ATAD1: variants seen among roughly 807,000 people sequenced by gnomAD.
ATAD1 encodes the protein ATPase family AAA domain containing 1.
ATAD1 carries 18 observed loss-of-function variants against 42.7 expected under a neutral mutation model. The observed-to-expected ratio is 0.42, with a 90% confidence interval of 0.29 to 0.63. The LOEUF is 0.63. Ranked by LOEUF, ATAD1 falls within the 20% of genes least tolerant of loss-of-function variation. The pLI is 0.19. For missense variants in ATAD1, 294 were observed against 440.4 expected (o/e 0.67, Z 2.98); for synonymous variants, 132 against 143.1 (o/e 0.92, Z 0.55).
chr10:87,802,604 C>A (rs1210797053), intron 2 of ATAD1, among the ~76,000 whole-genome samples: 6 of 151,284 alleles, frequency 4.0e-5, no homozygotes, highest in African/African-American at 1.5e-4. Context: ...GATCCCGCCA[C>A]CGCACTCCAG....
chr10:87,816,734 T>G (rs1857432314), intron 1 of ATAD1, among the ~76,000 whole-genome samples: 1 of 152,234 alleles, frequency 6.6e-6, no homozygotes, highest in African/African-American at 2.4e-5. Flanking sequence ...TTTTCTAGTC[T>G]TTATTCCACA....
intron 2 of ATAD1, among the ~76,000 whole-genome samples, chr10:87,806,462 C>T (rs1049808880): frequency 1.3e-5 from 2 of 152,054 alleles, no homozygotes; most frequent in African/African-American, 4.8e-5. Flanking sequence ...CAGATCTTCT[C>T]GTCTCCCAGA....
intron 2 of ATAD1, among the ~76,000 whole-genome samples, chr10:87,809,623 A>AT (rs1024651639): frequency 2.0e-5 from 3 of 150,548 alleles, no homozygotes; most frequent in African/African-American, 7.3e-5. Context: ...AACAGTCCTA[A>AT]TTTTTTTTAT....
chr10:87,826,653 T>C (rs1013565333), intron 1 of ATAD1, among the ~76,000 whole-genome samples: 1 of 152,230 alleles, frequency 6.6e-6, no homozygotes, highest in Non-Finnish European at 1.5e-5. Context: ...CACTTAATCC[T>C]ACTTATGTTA....
At chr10:87,796,083 C>A (rs949805453) in intron 2 of ATAD1, among the ~76,000 whole-genome samples, 1 of 152,116 alleles carries the variant, frequency 6.6e-6, no homozygotes, top group Non-Finnish European at 1.5e-5. Context: ...TAGATATAAT[C>A]ATTTATTACA....
rs557433594 is a variant in ATAD1 at position 87,831,755 on chromosome 10, A to G, written c.-14+9432T>C. 4.6e-5 allele frequency among the ~76,000 whole-genome samples: 7 copies of G among 152,328 alleles called. No individual in the cohort carries two copies. The East Asian group carries it at 1.3e-3, about 29-fold the overall frequency. ...AGTTATAATGTCGTATGGCATACCC[A>G]TAAGTTACTGTGACTGACAAGTGGT... is the stretch of plus-strand genomic sequence containing the variant. On this transcript the variant is annotated intron_variant, in intron 1 of 4. Transcript: ENST00000495903.
chr10:87,827,739 C>T (rs577915481), intron 1 of ATAD1, among the ~76,000 whole-genome samples: 1 of 152,194 alleles, frequency 6.6e-6, no homozygotes, highest in East Asian at 1.9e-4. Context: ...TGAGACACAA[C>T]AATATTGAAA....
intron 8 of ATAD1, among the ~76,000 whole-genome samples, chr10:87,766,668 G>A (rs112192857): frequency 0.1 from 15,782 of 151,856 alleles, 1,042 homozygotes; most frequent in Non-Finnish European, 0.15. Flanking sequence ...AAAATTAGCC[G>A]AGTGTGGTGG....
At chr10:87,791,026 A>G (rs913040313) in intron 3 of ATAD1, among the ~76,000 whole-genome samples, 2 of 132,436 alleles carry the variant, frequency 1.5e-5, no homozygotes, top group Non-Finnish European at 3.1e-5. Flanking sequence ...CTCTACTAAA[A>G]TTACAAAAAA....
intron 2 of ATAD1, among the ~76,000 whole-genome samples, chr10:87,807,462 C>T (rs918512070): frequency 2.0e-5 from 3 of 152,172 alleles, no homozygotes; most frequent in African/African-American, 7.2e-5. Context: ...ACGTTATTGA[C>T]AGACTTAAAA....
chr10:87,762,799 G>A (rs185985946), intron 8 of ATAD1, among the ~76,000 whole-genome samples: 73 of 151,026 alleles, frequency 4.8e-4, no homozygotes, highest in Admixed American at 7.9e-4. Flanking sequence ...AACCGGGCAC[G>A]GTGGCTCATG....
chr10:87,761,575 T>C (rs541968931), intron 8 of ATAD1, among the ~76,000 whole-genome samples: 1 of 151,826 alleles, frequency 6.6e-6, no homozygotes, highest in Admixed American at 6.6e-5. Context: ...GGCGGGGGGA[T>C]CACTTGAGCC....
At chr10:87,762,548 T>C (rs1302186486) in intron 8 of ATAD1, among the ~76,000 whole-genome samples, 6 of 151,494 alleles carry the variant, frequency 4.0e-5, no homozygotes, top group Non-Finnish European at 8.8e-5. Context: ...CACTGCAACC[T>C]CTGCCTCCGG....
intron 2 of ATAD1, among the ~76,000 whole-genome samples, chr10:87,802,250 C>T (rs1000368992): frequency 3.3e-5 from 5 of 152,150 alleles, no homozygotes; most frequent in African/African-American, 1.2e-4. Flanking sequence ...ACTTGACTTA[C>T]AGAGCCAATG....
chr10:87,819,291 A>AAAAAAAAAAC (rs1857577718), upstream of ATAD1: 1 of 141,938 alleles, frequency 7.0e-6, no homozygotes, highest in African/African-American at 2.6e-5. Flanking sequence ...AAAAAAAAAA[A>AAAAAAAAAAC]CCACCTAAAA....
intron 1 of ATAD1, among the ~76,000 whole-genome samples, chr10:87,815,337 A>G (rs886977482): frequency 6.6e-6 from 1 of 152,086 alleles, no homozygotes; most frequent in Non-Finnish European, 1.5e-5. Flanking sequence ...AGCTACATCA[A>G]TCAAAGCTAG....
chr10:87,798,469 G>C (rs1279600332), intron 2 of ATAD1, among the ~76,000 whole-genome samples: 2 of 151,966 alleles, frequency 1.3e-5, no homozygotes, highest in Non-Finnish European at 2.9e-5. Flanking sequence ...TTCTCTTTCT[G>C]TGTCTTTCAT....
rs557891101 is a variant in ATAD1 at position 87,763,077 on chromosome 10, T to C, written c.831+4596A>G. Among the ~76,000 whole-genome samples the C allele has an allele frequency of 3.6e-3, 169 of 46,878 alleles. 1 individual carries two copies. The highest frequency in any genetic ancestry group is 0.014 in the African/African-American group (154 of 11,390). The allele number at this position is 46,878 out of a possible 152,430, so 30.8% of individuals were successfully genotyped here. On this transcript the variant is annotated intron_variant, in intron 8 of 9. Transcript: ENST00000680024. The stretch of plus-strand genomic sequence containing the variant: ...GCCTGGGCGACAGAGCGAGACTCTG[T>C]CACAAAAAAAAAAAAAAAAAAAAAA...
chr10:87,814,282 T>C (rs1857313974), intron 2 of ATAD1, among the ~76,000 whole-genome samples, 156 bp downstream of exon 2: 1 of 152,142 alleles, frequency 6.6e-6, no homozygotes, highest in Non-Finnish European at 1.5e-5. Flanking sequence ...AATAAACTAG[T>C]ACTTTGTAAG....
Sources: allele counts gnomAD v4.1 joint callset (sites outside exome capture counted in the v4.1 genomes callset), GRCh38; gene constraint gnomAD v4.1.1; transcripts MANE v1.5; gene names NCBI Gene and HGNC (gene_info 2026-07-23, HGNC 2026-07-21).